The following TCF12 variants were observed in gnomAD, a reference collection of about 807,000 sequenced individuals.
TCF12 encodes DNA-binding protein HTF4.
TCF12 carries 45 observed loss-of-function variants against 86.0 expected under a neutral mutation model. That is an observed-to-expected ratio of 0.52 (90% CI 0.41 to 0.67). The LOEUF is 0.67. TCF12 is among the 30% of genes least tolerant of loss of function. TCF12 has a pLI of 0.00. For missense variants in TCF12, 881 were observed against 859.9 expected (o/e 1.02, Z -0.31); for synonymous variants, 330 against 299.6 (o/e 1.10, Z -1.05).
At chr15:57,275,145 A>T (rs564726426) in intron 19 of TCF12, among the ~76,000 whole-genome samples, 1 of 152,294 alleles carries the variant, frequency 6.6e-6, no homozygotes, top group South Asian at 2.1e-4. Context: ...AGTTCTGTAA[A>T]GCTCTGTCTA....
chr15:57,083,762 T>C (rs2048459404), intron 4 of TCF12, among the ~76,000 whole-genome samples: 1 of 152,106 alleles, frequency 6.6e-6, no homozygotes, highest in African/African-American at 2.4e-5. Context: ...TTTTCTTGTA[T>C]TTTGTAGCAC....
chr15:56,940,889 C>A (rs181489553), intron 3 of TCF12, among the ~76,000 whole-genome samples: 265 of 149,962 alleles, frequency 1.8e-3, no homozygotes, highest in Non-Finnish European at 2.9e-3. Context: ...CTGAGGATAA[C>A]AGGTGTGCGT....
chr15:57,045,001 T>A (rs1466589338), intron 3 of TCF12, among the ~76,000 whole-genome samples: 2 of 152,220 alleles, frequency 1.3e-5, no homozygotes, highest in Admixed American at 6.5e-5. Flanking sequence ...AAATGCTTAT[T>A]GAGTAGAAAT....
chr15:57,131,240 GC>G, intron 5 of TCF12, among the ~76,000 whole-genome samples: 1 of 152,176 alleles, frequency 6.6e-6, no homozygotes, highest in Non-Finnish European at 1.5e-5. Flanking sequence ...TCTGCCTGTT[GC>G]TTTGATGAGA....
chr15:57,125,171 G>A (rs1243200459), intron 5 of TCF12, among the ~76,000 whole-genome samples: 4 of 152,138 alleles, frequency 2.6e-5, no homozygotes, highest in South Asian at 4.1e-4. Flanking sequence ...TGACCAGATC[G>A]TTATGAAAAA....
At chr15:57,141,401 G>C (rs2052953405) in intron 5 of TCF12, among the ~76,000 whole-genome samples, 1 of 152,168 alleles carries the variant, frequency 6.6e-6, no homozygotes, top group African/African-American at 2.4e-5. Flanking sequence ...CCAGGCTGGA[G>C]TGCAGTGTCA....
Position 56,929,682 on chromosome 15 carries a change from G to A in TCF12, c.148+8584G>A, listed in dbSNP as rs112262405. ...TTTATTGCAGTGGGTGGTGACTCAG[G>A]GATGAAACCTTCAAAATAATATAAT... On this transcript the variant is annotated intron_variant, in intron 3 of 20. Transcript: ENST00000333725. 4.2e-4 allele frequency among the ~76,000 whole-genome samples: 64 copies of A among 152,090 alleles called. 1 individual carries two copies. The highest frequency in any genetic ancestry group is 6.8e-3 in the Middle Eastern group (2 of 294).
chr15:57,049,052 G>A (rs1159268455), intron 3 of TCF12, among the ~76,000 whole-genome samples: 1 of 152,100 alleles, frequency 6.6e-6, no homozygotes, highest in Non-Finnish European at 1.5e-5. Context: ...CCGTGGTCAC[G>A]TCCACTTTCT....
upstream of TCF12, chr15:56,918,137 T>A (rs552971092): frequency 9.5e-4 from 429 of 451,072 alleles, 1 homozygote; most frequent in Admixed American, 1.7e-3. Flanking sequence ...GCGCGGTGTC[T>A]GCGCCGACTG....
chr15:56,976,971 C>G (rs2062636530), intron 3 of TCF12, among the ~76,000 whole-genome samples: 1 of 152,038 alleles, frequency 6.6e-6, no homozygotes, highest in Admixed American at 6.6e-5. Flanking sequence ...CTCATTTGCA[C>G]TAGCCACATT....
intron 3 of TCF12, among the ~76,000 whole-genome samples, chr15:56,973,843 T>C (rs2062462934): frequency 6.6e-6 from 1 of 152,104 alleles, no homozygotes; most frequent in Admixed American, 6.6e-5. Flanking sequence ...TGTCTCCTGA[T>C]ATAGAGCACT....
rs146557823 is a variant in TCF12 at position 57,203,950 on chromosome 15, A to G, written c.579+6125A>G. Among the ~76,000 whole-genome samples, 11 of 152,014 alleles carry G rather than the reference A, an allele frequency of 7.2e-5. No homozygotes were observed. In the East Asian group the frequency reaches 1.5e-3, roughly 21 times the overall value. On this transcript the variant is annotated intron_variant, in intron 8 of 20. Coordinates refer to ENST00000333725, the MANE Select transcript of TCF12 (RefSeq NM_207037.2). Reference sequence around the variant, plus strand: ...AGGATCACTTGAGCCCACCATGTTCACTCCATTGCACTCCAGCCTGGGTGA... The same window carrying G: ...AGGATCACTTGAGCCCACCATGTTCGCTCCATTGCACTCCAGCCTGGGTGA...
At chr15:57,243,416 T>C in intron 12 of TCF12, 56 bp from the exon 13 acceptor site, 5 of 1,430,374 alleles carry the variant, frequency 3.5e-6, no homozygotes, top group Non-Finnish European at 4.9e-6. Context: ...TGAACGGATT[T>C]GTGTATGTGC....
intron 6 of TCF12, among the ~76,000 whole-genome samples, chr15:57,180,036 C>G (rs1484621794): frequency 2.0e-5 from 3 of 152,156 alleles, no homozygotes; most frequent in Non-Finnish European, 4.4e-5. Context: ...AATTCTTTAA[C>G]AACATGCTGA....
chr15:57,216,440 GC>G (rs1235238766), intron 8 of TCF12, among the ~76,000 whole-genome samples: 1 of 151,864 alleles, frequency 6.6e-6, no homozygotes, highest in Non-Finnish European at 1.5e-5. Context: ...GATAAAAAGT[GC>G]ATGACAGTTC....
intron 4 of TCF12, among the ~76,000 whole-genome samples, chr15:57,070,084 C>T (rs2069237593): frequency 2.0e-5 from 3 of 151,996 alleles, no homozygotes. Flanking sequence ...AAGTTTGGGG[C>T]TTATACCTGT....
intron 5 of TCF12, among the ~76,000 whole-genome samples, chr15:57,139,527 A>G (rs1203803906): frequency 1.3e-5 from 2 of 152,126 alleles, no homozygotes; most frequent in Non-Finnish European, 2.9e-5. Context: ...CCCTGGAAAA[A>G]TTAATAGTAT....
At chr15:57,094,399 G>A (rs2049181241) in intron 5 of TCF12, among the ~76,000 whole-genome samples, 1 of 152,080 alleles carries the variant, frequency 6.6e-6, no homozygotes, top group African/African-American at 2.4e-5. Flanking sequence ...CAATCTGCAC[G>A]ACAATAGCTT....
At chr15:56,918,166 G>GC (rs2059590096), upstream of TCF12, 1 of 455,800 alleles carries the variant, frequency 2.2e-6, no homozygotes, top group African/African-American at 2.0e-5. Context: ...CTGGACGGGA[G>GC]CCTCTGGGCC....
Sources: allele counts gnomAD v4.1 joint callset (sites outside exome capture counted in the v4.1 genomes callset), GRCh38; gene constraint gnomAD v4.1.1; transcripts MANE v1.5; gene names NCBI Gene and HGNC (gene_info 2026-07-23, HGNC 2026-07-21).